MAML3: variants seen among roughly 807,000 people sequenced by gnomAD.
MAML3 encodes the protein mastermind like transcriptional coactivator 3.
In MAML3, 27 loss-of-function variants were observed where a neutral mutation model predicts 101.9. That is an observed-to-expected ratio of 0.27 (90% CI 0.20 to 0.37). MAML3 has a LOEUF of 0.37. MAML3 is among the 10% of genes least tolerant of loss of function. The pLI is 1.00. For missense variants in MAML3, 1,316 were observed against 1,444.9 expected (o/e 0.91, Z 1.45); for synonymous variants, 501 against 555.9 (o/e 0.90, Z 1.39).
intron 1 of MAML3, among the ~76,000 whole-genome samples, chr4:140,060,365 C>CAAAAAAAAAAAAAGAAAAAAAAA (rs1727424271): frequency 5.2e-5 from 1 of 19,126 alleles, no homozygotes; most frequent in African/African-American, 1.8e-4. Context: ...GACTCTGTCT[C>CAAAAAAAAAAAAAGAAAAAAAAA]AAAAAAAAAA....
chr4:139,960,123 G>A (rs2110773024), intron 1 of MAML3, among the ~76,000 whole-genome samples: 1 of 152,314 alleles, frequency 6.6e-6, no homozygotes, highest in South Asian at 2.1e-4. Flanking sequence ...GGGGAGGAAG[G>A]TATGGAGCTG....
At chr4:139,937,973 T>C (rs1281058862) in intron 1 of MAML3, among the ~76,000 whole-genome samples, 1 of 152,184 alleles carries the variant, frequency 6.6e-6, no homozygotes, top group Non-Finnish European at 1.5e-5. Flanking sequence ...ATTCTGAGGC[T>C]AAAAAGACTA....
At chr4:139,930,482 T>G (rs1733365281) in intron 1 of MAML3, among the ~76,000 whole-genome samples, 1 of 152,164 alleles carries the variant, frequency 6.6e-6, no homozygotes, top group Non-Finnish European at 1.5e-5. Context: ...TCCTCCAGGA[T>G]GTAAGTTCCC....
At chr4:139,756,046 A>G (rs1052025450) in intron 2 of MAML3, among the ~76,000 whole-genome samples, 1 of 152,252 alleles carries the variant, frequency 6.6e-6, no homozygotes, top group African/African-American at 2.4e-5. Context: ...CTGTTCATCT[A>G]CATAATTCAT....
intron 1 of MAML3, among the ~76,000 whole-genome samples, chr4:139,999,484 T>TC (rs1173955335): frequency 6.6e-6 from 1 of 152,248 alleles, no homozygotes; most frequent in Admixed American, 6.5e-5. Context: ...TCCCCGATTG[T>TC]CGTATGCCTT....
At chr4:139,857,948 C>T (rs978320576) in intron 2 of MAML3, among the ~76,000 whole-genome samples, 5 of 152,118 alleles carry the variant, frequency 3.3e-5, no homozygotes, top group Non-Finnish European at 5.9e-5. Flanking sequence ...GGACATATGC[C>T]ACCTAGCGTG....
intron 1 of MAML3, among the ~76,000 whole-genome samples, chr4:140,143,426 T>C (rs965979916): frequency 6.6e-6 from 1 of 152,210 alleles, no homozygotes; most frequent in Non-Finnish European, 1.5e-5. Flanking sequence ...TTCAGGACTT[T>C]TACGTATACT....
intron 2 of MAML3, among the ~76,000 whole-genome samples, chr4:139,764,564 G>A (rs1729815656): frequency 6.6e-6 from 1 of 152,200 alleles, no homozygotes; most frequent in Non-Finnish European, 1.5e-5. Context: ...TACCCTGGTG[G>A]CCTCCTGAAG....
At chr4:139,797,524 T>C (rs993972920) in intron 2 of MAML3, among the ~76,000 whole-genome samples, 1 of 152,080 alleles carries the variant, frequency 6.6e-6, no homozygotes, top group African/African-American at 2.4e-5. Context: ...ACATCCTTGG[T>C]GGAAGGGGGT....
chr4:139,747,984 G>T (rs1210736128), intron 2 of MAML3, among the ~76,000 whole-genome samples: 2 of 150,914 alleles, frequency 1.3e-5, no homozygotes, highest in Admixed American at 6.6e-5. Context: ...AACCCGGGAG[G>T]TGGAGGTTGC....
intron 1 of MAML3, among the ~76,000 whole-genome samples, chr4:140,151,458 G>A (rs1182051099): frequency 6.6e-6 from 1 of 152,174 alleles, no homozygotes; most frequent in Non-Finnish European, 1.5e-5. Flanking sequence ...CCGAGCGCCG[G>A]CCCGAGCCCC....
At chr4:139,986,194 T>C (rs1332230018) in intron 1 of MAML3, among the ~76,000 whole-genome samples, 1 of 152,230 alleles carries the variant, frequency 6.6e-6, no homozygotes, top group Non-Finnish European at 1.5e-5. Context: ...GGGTCATCCC[T>C]TGTCATCAGA....
intron 1 of MAML3, among the ~76,000 whole-genome samples, chr4:139,911,761 G>C (rs1158688080): frequency 1.3e-5 from 2 of 152,190 alleles, no homozygotes; most frequent in African/African-American, 2.4e-5. Context: ...GAAGACATCG[G>C]AAGAAGACAG....
intron 2 of MAML3, among the ~76,000 whole-genome samples, chr4:139,878,577 C>A (rs1732158252): frequency 6.6e-6 from 1 of 152,176 alleles, no homozygotes; most frequent in South Asian, 2.1e-4. Flanking sequence ...GCTGGGCCTA[C>A]TCTCTTACCT....
intron 1 of MAML3, among the ~76,000 whole-genome samples, chr4:140,104,222 A>G (rs1728297815): frequency 6.7e-6 from 1 of 149,690 alleles, no homozygotes; most frequent in South Asian, 2.1e-4. Context: ...CTATGTCTAC[A>G]AAAAATTTAA....
chr4:140,019,524 A>G (rs887504243), intron 1 of MAML3, among the ~76,000 whole-genome samples: 9 of 152,252 alleles, frequency 5.9e-5, no homozygotes, highest in African/African-American at 2.2e-4. Context: ...TGGCCTAGGA[A>G]GATGGGCAGC....
rs181231738 is a variant in MAML3 at position 140,018,618 on chromosome 4, C to A, written c.469-127651G>T. Among the ~76,000 whole-genome samples the A allele has an allele frequency of 3.3e-5, 5 of 152,218 alleles. No homozygotes were observed. In the East Asian group the frequency reaches 9.7e-4, roughly 29 times the overall value. On this transcript the variant is annotated intron_variant, in intron 1 of 4. Transcript: ENST00000509479. ...CATGCTTACTTTTTTTCCATTCATT[C>A]ATTAATTCATCCACAAGAATTTTTG...
At chr4:139,821,675 C>T (rs1377520562) in intron 2 of MAML3, among the ~76,000 whole-genome samples, 2 of 152,216 alleles carry the variant, frequency 1.3e-5, no homozygotes, top group African/African-American at 2.4e-5. Context: ...GGAAGCTGGC[C>T]TAGGCTTCCT....
At chr4:139,755,277 G>A (rs866681998) in intron 2 of MAML3, among the ~76,000 whole-genome samples, 6 of 152,216 alleles carry the variant, frequency 3.9e-5, no homozygotes, top group Admixed American at 6.5e-5. Context: ...ATTTGGCTTG[G>A]ACCTCCCACT....
Sources: gnomAD v4.1 joint callset for allele counts (sites outside exome capture counted in the v4.1 genomes callset) on GRCh38, gnomAD v4.1.1 for gene constraint, MANE v1.5 for transcripts, NCBI Gene and HGNC (gene_info 2026-07-23, HGNC 2026-07-21) for gene names.